ANKS1B: variants seen among roughly 807,000 people sequenced by gnomAD.
The protein encoded by ANKS1B is ankyrin repeat and sterile alpha motif domain containing 1B.
A neutral mutation model predicts 148.3 loss-of-function variants in ANKS1B; 36 were observed. The observed-to-expected ratio is 0.24, with a 90% CI of 0.19 to 0.32. ANKS1B has a LOEUF of 0.32. Ranked by LOEUF, ANKS1B falls within the 10% of genes least tolerant of loss-of-function variation. The probability of loss-of-function intolerance (pLI) is 1.00; values close to 1 mark genes in which losing one functional copy is unlikely to be tolerated. For missense variants in ANKS1B, 1,157 were observed against 1,542.6 expected (o/e 0.75, Z 4.19); for synonymous variants, 542 against 560.8 (o/e 0.97, Z 0.47).
At chr12:98,924,748 T>C (rs1006294117) in intron 17 of ANKS1B, among the ~76,000 whole-genome samples, 1 of 152,218 alleles carries the variant, frequency 6.6e-6, no homozygotes, top group Non-Finnish European at 1.5e-5. Flanking sequence ...GGAAAATAAT[T>C]CAGAATCAAG....
intron 10 of ANKS1B, among the ~76,000 whole-genome samples, chr12:99,475,752 C>T (rs1005632185): frequency 6.6e-6 from 1 of 151,654 alleles, no homozygotes; most frequent in Non-Finnish European, 1.5e-5. Flanking sequence ...AAAGATTATA[C>T]AGCTACTGTA....
intron 1 of ANKS1B, among the ~76,000 whole-genome samples, chr12:99,906,271 G>A (rs990933074): frequency 6.6e-6 from 1 of 152,150 alleles, no homozygotes; most frequent in African/African-American, 2.4e-5. Flanking sequence ...AAGACCTCAC[G>A]TGAATAATGT....
Position 99,721,693 on chromosome 12 carries a change from T to C in ANKS1B, c.1128+51229A>G, listed in dbSNP as rs574201895. 1.2e-4 allele frequency among the ~76,000 whole-genome samples: 18 copies of C among 152,340 alleles called. No homozygotes were observed. In the East Asian group the frequency reaches 3.1e-3, roughly 26 times the overall value. Reference sequence around the variant, plus strand: ...CCCAGGTGATTAAAAGCTTTATTGCTCACACAAAGCCTGTTTGGTGGTCTC... The same window carrying C: ...CCCAGGTGATTAAAAGCTTTATTGCCCACACAAAGCCTGTTTGGTGGTCTC... On this transcript the variant is annotated intron_variant, in intron 8 of 26. Transcript: ENST00000683438.
chr12:99,661,450 G>A (rs60145906), intron 8 of ANKS1B, among the ~76,000 whole-genome samples: 2,457 of 152,288 alleles, frequency 0.016, 67 homozygotes, highest in African/African-American at 0.056. Flanking sequence ...CCCGTTTACA[G>A]AAGTAAATTC....
intron 14 of ANKS1B, among the ~76,000 whole-genome samples, chr12:99,178,165 C>T (rs985288166): frequency 6.6e-6 from 1 of 152,228 alleles, no homozygotes; most frequent in African/African-American, 2.4e-5. Flanking sequence ...CTGTAAGATG[C>T]TTCACACATT....
chr12:99,043,692 A>G (rs1404954545), intron 17 of ANKS1B, among the ~76,000 whole-genome samples: 1 of 152,224 alleles, frequency 6.6e-6, no homozygotes, highest in East Asian at 1.9e-4. Context: ...ACCCTAAGAC[A>G]TCTTTAGAAC....
At chr12:99,555,284 A>G (rs77047048) in intron 9 of ANKS1B, among the ~76,000 whole-genome samples, 3,282 of 152,176 alleles carry the variant, frequency 0.022, 101 homozygotes, top group South Asian at 0.065. Flanking sequence ...AGCAGTATAC[A>G]AGCATTCTCT....
intron 10 of ANKS1B, among the ~76,000 whole-genome samples, chr12:99,485,357 T>G (rs2096474144): frequency 6.6e-6 from 1 of 152,142 alleles, no homozygotes; most frequent in Non-Finnish European, 1.5e-5. Context: ...CTCTGGCTTG[T>G]CAGGTTTCTG....
intron 17 of ANKS1B, among the ~76,000 whole-genome samples, chr12:98,967,766 A>G (rs909451750): frequency 2.6e-5 from 4 of 151,608 alleles, no homozygotes; most frequent in Admixed American, 6.6e-5. Context: ...AAAAAAAAAA[A>G]AAAAAGAAAT....
At chr12:99,637,791 C>CTA (rs1555522651) in intron 9 of ANKS1B, among the ~76,000 whole-genome samples, 11 of 130,910 alleles carry the variant, frequency 8.4e-5, no homozygotes, top group Admixed American at 1.5e-4. Flanking sequence ...ACTCCCCTTT[C>CTA]TATATATATA....
At chr12:99,840,675 T>A (rs2085583819) in intron 1 of ANKS1B, among the ~76,000 whole-genome samples, 1 of 152,142 alleles carries the variant, frequency 6.6e-6, no homozygotes, top group Admixed American at 6.6e-5. Flanking sequence ...GAGATTTCTG[T>A]CATGAGCAAC....
At chr12:99,837,935 C>A (rs187857606) in intron 1 of ANKS1B, among the ~76,000 whole-genome samples, 4 of 152,082 alleles carry the variant, frequency 2.6e-5, no homozygotes, top group Non-Finnish European at 5.9e-5. Flanking sequence ...CCAACCCCAA[C>A]CCTCCCACCT....
At chr12:99,651,080 A>T (rs2153436630) in intron 9 of ANKS1B, among the ~76,000 whole-genome samples, 1 of 152,274 alleles carries the variant, frequency 6.6e-6, no homozygotes, top group South Asian at 2.1e-4. Context: ...AAATCTGGGG[A>T]TATAAAATTT....
intron 8 of ANKS1B, among the ~76,000 whole-genome samples, chr12:99,666,857 G>GGGGTGTGT (rs1555536181): frequency 2.3e-5 from 3 of 132,536 alleles, no homozygotes; most frequent in East Asian, 2.0e-4. Context: ...GTTACTATGG[G>GGGGTGTGT]GTGTGTGTGT....
intron 9 of ANKS1B, among the ~76,000 whole-genome samples, chr12:99,539,828 C>T (rs964834018): frequency 3.9e-5 from 6 of 152,048 alleles, no homozygotes; most frequent in African/African-American, 1.4e-4. Flanking sequence ...CTCACTCTGC[C>T]TGCCACAAAA....
Position 98,881,599 on chromosome 12 carries a change from T to G in ANKS1B, c.2779-49463A>C, listed in dbSNP as rs2099708303. On this transcript the variant is annotated intron_variant, in intron 17 of 26. Coordinates refer to ENST00000683438, the MANE Select transcript of ANKS1B (RefSeq NM_001352186.2). ...ATTATCCAAGATTTTTCTTATGCTATTGTCCTATAAACTCAATATTTTAAG... is the reference window on the plus strand; with the variant it reads ...ATTATCCAAGATTTTTCTTATGCTAGTGTCCTATAAACTCAATATTTTAAG... 2.0e-5 allele frequency among the ~76,000 whole-genome samples: 3 copies of G among 152,168 alleles called. No individual in the cohort carries two copies. In the South Asian group the frequency reaches 6.2e-4, roughly 32 times the overall value.
intron 17 of ANKS1B, among the ~76,000 whole-genome samples, chr12:99,032,017 C>T (rs2099952536): frequency 6.6e-6 from 1 of 152,184 alleles, no homozygotes; most frequent in African/African-American, 2.4e-5. Context: ...TGCCTACTGT[C>T]AGGCAGGCCC....
chr12:99,215,422 C>A (rs574399103), intron 14 of ANKS1B, among the ~76,000 whole-genome samples: 3 of 152,302 alleles, frequency 2.0e-5, no homozygotes, highest in South Asian at 4.1e-4. Flanking sequence ...CTCCTCCAGA[C>A]CTCAGAGAGG....
In ANKS1B at chr12:99,320,359, A is replaced by G. The variant is rs550050230; in HGVS notation, c.1757-73495T>C. On this transcript the variant is annotated intron_variant, in intron 12 of 26. Coordinates refer to ENST00000683438, the MANE Select transcript of ANKS1B (RefSeq NM_001352186.2). ...AGATGTAGATTTGGTCTTTTCACAT[A>G]GTCCCATACTTTTTGGAGGCTTTGT... Among the ~76,000 whole-genome samples, 4 of 152,294 alleles carry G rather than the reference A, an allele frequency of 2.6e-5. No homozygotes were observed. In the East Asian group the frequency reaches 7.7e-4, roughly 29 times the overall value.
Sources: allele counts gnomAD v4.1 joint callset (sites outside exome capture counted in the v4.1 genomes callset), GRCh38; gene constraint gnomAD v4.1.1; transcripts MANE v1.5; gene names NCBI Gene and HGNC (gene_info 2026-07-23, HGNC 2026-07-21).